PCDH15: variants seen among roughly 807,000 people sequenced by gnomAD.
The protein encoded by PCDH15 is protocadherin-15.
Under a neutral mutation model 178.5 loss-of-function variants are expected in PCDH15, and 129 were observed. The observed-to-expected ratio is 0.72, with a 90% CI of 0.63 to 0.84. The LOEUF (loss-of-function observed/expected upper bound fraction) is 0.84, where lower values mean the gene tolerates loss of function less well. Ranked by LOEUF, PCDH15 falls within the 40% of genes least tolerant of loss-of-function variation. PCDH15 has a pLI of 0.00. For synonymous variants in PCDH15, 800 were observed against 732.0 expected, an observed-to-expected ratio of 1.09 and a Z score of -1.50; for missense variants, 2,230 against 2,099.9, an observed-to-expected ratio of 1.06 and a Z score of -1.21.
chr10:53,916,465 G>A (rs1441451735), intron 25 of PCDH15, among the ~76,000 whole-genome samples: 1 of 152,080 alleles, frequency 6.6e-6, no homozygotes, highest in Non-Finnish European at 1.5e-5. Context: ...TGTTATTCCT[G>A]AGTTCAAACG....
chr10:55,468,569 T>C (rs1839890028), intron 2 of PCDH15: 1 of 152,228 alleles, frequency 6.6e-6, no homozygotes, highest in East Asian at 1.9e-4. Context: ...TTTTTTTATC[T>C]ACCATAATGT....
chr10:55,570,962 T>A (rs1273072631), intron 2 of PCDH15, among the ~76,000 whole-genome samples: 2 of 152,052 alleles, frequency 1.3e-5, no homozygotes, highest in African/African-American at 2.4e-5. Context: ...AAAAGCAATA[T>A]CAAAAGCAAA....
chr10:54,122,005 A>C (rs2095228469), intron 15 of PCDH15, among the ~76,000 whole-genome samples: 1 of 145,986 alleles, frequency 6.8e-6, no homozygotes, highest in Non-Finnish European at 1.5e-5. Flanking sequence ...AGACACATAC[A>C]CACACACACA....
chr10:55,463,253 G>A (rs1839718473), intron 2 of PCDH15, among the ~76,000 whole-genome samples: 1 of 152,058 alleles, frequency 6.6e-6, no homozygotes, highest in African/African-American at 2.4e-5. Context: ...CCATATGCTA[G>A]AATGACTAGA....
chr10:54,566,426 T>C (rs1003885163), intron 2 of PCDH15, among the ~76,000 whole-genome samples: 1 of 152,166 alleles, frequency 6.6e-6, no homozygotes. Context: ...AATGAGATGT[T>C]TCTATCATTA....
At chr10:54,748,743 A>C (rs964056468) in intron 1 of PCDH15, among the ~76,000 whole-genome samples, 1 of 152,186 alleles carries the variant, frequency 6.6e-6, no homozygotes, top group Non-Finnish European at 1.5e-5. Flanking sequence ...TCTAATATAA[A>C]CAGGCTCATA....
chr10:54,728,100 A>T (rs1255187584), intron 1 of PCDH15, among the ~76,000 whole-genome samples: 2 of 151,622 alleles, frequency 1.3e-5, no homozygotes, highest in African/African-American at 4.8e-5. Context: ...CATTATTCTG[A>T]TACCAAAACC....
chr10:55,140,390 C>T (rs565974119), intron 2 of PCDH15, among the ~76,000 whole-genome samples: 1 of 151,630 alleles, frequency 6.6e-6, no homozygotes, highest in Non-Finnish European at 1.5e-5. Flanking sequence ...CCAAGGGTCC[C>T]GATTAAGCCT....
At chr10:54,701,210 G>A (rs1245110849) in intron 1 of PCDH15, among the ~76,000 whole-genome samples, 1 of 151,990 alleles carries the variant, frequency 6.6e-6, no homozygotes, top group African/African-American at 2.4e-5. Flanking sequence ...GCCAAACTAA[G>A]TTTCATAAGT....
chr10:55,148,245 G>A (rs1044199099), intron 2 of PCDH15, among the ~76,000 whole-genome samples: 1 of 151,732 alleles, frequency 6.6e-6, no homozygotes, highest in African/African-American at 2.4e-5. Context: ...AAACATTTTC[G>A]TTTGAGTTGA....
At chr10:55,301,738 C>A (rs1463178621) in intron 1 of PCDH15, among the ~76,000 whole-genome samples, 2 of 151,934 alleles carry the variant, frequency 1.3e-5, no homozygotes, top group Non-Finnish European at 2.9e-5. Flanking sequence ...CATTTTAGTC[C>A]ATGATCCAGT....
chr10:55,484,885 C>T (rs77838364), intron 2 of PCDH15, among the ~76,000 whole-genome samples: 5,923 of 151,570 alleles, frequency 0.039, 360 homozygotes, highest in East Asian at 0.29. Context: ...AAAATCAATT[C>T]GAAATGAATA....
At chr10:55,169,790 T>C (rs1839282641) in intron 1 of PCDH15, among the ~76,000 whole-genome samples, 1 of 152,196 alleles carries the variant, frequency 6.6e-6, no homozygotes, top group Non-Finnish European at 1.5e-5. Flanking sequence ...AATATGCACC[T>C]AGGTGTGAAG....
In PCDH15 at chr10:54,729,720, A is replaced by C. The variant is rs1449973188; in HGVS notation, c.-28-65430T>G. ...ACAATTGAACAACCATAAAACAAACAACCCCATTAGAAAATAAGCAAAAGA... is the reference window on the plus strand; with the variant it reads ...ACAATTGAACAACCATAAAACAAACCACCCCATTAGAAAATAAGCAAAAGA... On this transcript the variant is annotated intron_variant, in intron 1 of 37. Transcript: ENST00000644397. Among the ~76,000 whole-genome samples, 3 of 151,730 alleles carry C rather than the reference A, an allele frequency of 2.0e-5. No homozygotes were observed. The East Asian group carries it at 5.8e-4, about 29-fold the overall frequency.
At chr10:55,481,828 T>C (rs1840187702) in intron 2 of PCDH15, among the ~76,000 whole-genome samples, 1 of 151,598 alleles carries the variant, frequency 6.6e-6, no homozygotes, top group Admixed American at 6.6e-5. Flanking sequence ...GGGTGGAGAG[T>C]TCTCTATGTG....
intron 1 of PCDH15, among the ~76,000 whole-genome samples, chr10:54,719,163 A>C (rs188175456): frequency 6.6e-6 from 1 of 152,246 alleles, no homozygotes; most frequent in East Asian, 1.9e-4. Context: ...GGTAGATATC[A>C]TTAAAAAACA....
At chr10:55,399,986 C>A (rs1588989102) in intron 2 of PCDH15, among the ~76,000 whole-genome samples, 1 of 152,156 alleles carries the variant, frequency 6.6e-6, no homozygotes, top group Non-Finnish European at 1.5e-5. Context: ...ATGAGATCTT[C>A]AAAATTAGTG....
intron 1 of PCDH15, among the ~76,000 whole-genome samples, chr10:54,704,568 T>A (rs2095346694): frequency 6.6e-6 from 1 of 152,122 alleles, no homozygotes; most frequent in African/African-American, 2.4e-5. Context: ...CTAACAAGCA[T>A]GTGAAAAACG....
chr10:54,295,395 C>T (rs887617031), intron 8 of PCDH15, among the ~76,000 whole-genome samples: 2 of 152,198 alleles, frequency 1.3e-5, no homozygotes, highest in African/African-American at 4.8e-5. Flanking sequence ...GCCACCAGAG[C>T]CAGCAGCGTC....
Sources: allele counts gnomAD v4.1 joint callset (sites outside exome capture counted in the v4.1 genomes callset), GRCh38; gene constraint gnomAD v4.1.1; transcripts MANE v1.5; gene names NCBI Gene and HGNC (gene_info 2026-07-23, HGNC 2026-07-21).